The following C9 variants were observed in gnomAD, a reference collection of about 807,000 sequenced individuals.
C9 encodes the protein complement component C9.
C9 carries 63 observed loss-of-function variants against 65.4 expected under a neutral mutation model. The observed-to-expected ratio is 0.96, with a 90% CI of 0.79 to 1.19. The LOEUF is 1.19. Ranked by LOEUF, C9 falls within the 50% of genes most tolerant of loss-of-function variation. The pLI, the probability that C9 is intolerant of heterozygous loss-of-function variation, is 0.00. For synonymous variants in C9, 229 were observed against 227.9 expected, an observed-to-expected ratio of 1.00 and a Z score of -0.04; for missense variants, 744 against 670.1, an observed-to-expected ratio of 1.11 and a Z score of -1.22.
rs116659775 is a variant in C9 at position 39,350,278 on chromosome 5, G to A, written c.78-8082C>T. On this transcript the variant is annotated intron_variant, in intron 1 of 10. Coordinates refer to ENST00000263408, the MANE Select transcript of C9 (RefSeq NM_001737.5). ...CAGCCCCACGATTTAATCACTTTCC[G>A]ACAGGCTCCTCCTTGAACATGTGGG... is the stretch of plus-strand genomic sequence containing the variant. 2.6e-3 allele frequency among the ~76,000 whole-genome samples: 401 copies of A among 152,228 alleles called. 2 individuals are homozygous for A. Among genetic ancestry groups the A allele is most frequent in the African/African-American group, 8.9e-3 (369 of 41,522 alleles).
intron 9 of C9, among the ~76,000 whole-genome samples, chr5:39,295,870 A>G (rs1753177409): frequency 6.6e-6 from 1 of 151,822 alleles, no homozygotes; most frequent in South Asian, 2.1e-4. Context: ...AGAACCGGAA[A>G]TTAATATATC....
chr5:39,290,273 T>C (rs1440099559), intron 9 of C9, among the ~76,000 whole-genome samples: 1 of 151,848 alleles, frequency 6.6e-6, no homozygotes, highest in Non-Finnish European at 1.5e-5. Flanking sequence ...ATAATGGAGA[T>C]ATCATAACAT....
rs777863692 is a variant in C9, at chr5:39,345,655, G to C, written c.78-3459C>G. Among the ~76,000 whole-genome samples, 6 of 152,296 alleles carry C rather than the reference G, an allele frequency of 3.9e-5. No individual in the cohort carries two copies. The South Asian group carries it at 1.0e-3, about 26-fold the overall frequency. The stretch of plus-strand genomic sequence containing the variant: ...CAAGGATATCCAGGAATTTAACTCA[G>C]CTCTGCACCAAGTGGACCTAATAGA... On this transcript the variant is annotated intron_variant, in intron 1 of 10. Transcript: ENST00000263408.
intron 3 of C9, 121 bp downstream of exon 3, chr5:39,341,435 C>G (rs1366024649): frequency 4.9e-6 from 7 of 1,424,500 alleles, no homozygotes. Flanking sequence ...ATATAGATGG[C>G]CTCTTTTGGG....
Position 39,311,397 on chromosome 5 carries a change from A to G in C9, c.871-20T>C, listed in dbSNP as rs1325420196. 1 of 1,607,766 alleles carries G rather than the reference A, an allele frequency of 6.2e-7. No individual in the cohort carries two copies. The highest frequency in any genetic ancestry group is 2.2e-5 in the East Asian group (1 of 44,846). ...TTTTTCCTGTGTTGTAGAGCAGATG[A>G]AGAAGAGAAACATGTGTTTTATCCA... On this transcript the variant is annotated intron_variant, in intron 6 of 10. Transcript: ENST00000263408.
rs747730469 is a variant in C9 at position 39,284,154 on chromosome 5, T to C, written c.*1045A>G. The C allele has an allele frequency of 2.0e-5, 3 of 152,246 alleles. No homozygotes were observed. Among genetic ancestry groups the C allele is most frequent in the Non-Finnish European group, 2.9e-5 (2 of 68,046 alleles). The allele number at this position is 152,246 out of a possible 1,614,324, so 9.4% of individuals were successfully genotyped here. ...AAGTAACATAATTTATTTATAAATG[T>C]GTGAAATGTTTATTAATAGTAACAA... On this transcript the variant is annotated 3_prime_UTR_variant, in exon 11 of 11. Transcript: ENST00000263408.
chr5:39,324,491 G>A (rs937952044), intron 5 of C9, among the ~76,000 whole-genome samples: 11 of 152,256 alleles, frequency 7.2e-5, no homozygotes, highest in African/African-American at 2.4e-4. Context: ...ACTCAGCAGC[G>A]TAGAGGGCCA....
chr5:39,344,319 G>A (rs368562758), intron 1 of C9, among the ~76,000 whole-genome samples: 8 of 152,320 alleles, frequency 5.3e-5, no homozygotes, highest in East Asian at 1.9e-4. Context: ...CTGTAGAGAA[G>A]TCCTTAAATG....
chr5:39,332,443 A>G (rs961153927), intron 4 of C9, among the ~76,000 whole-genome samples: 4 of 152,224 alleles, frequency 2.6e-5, no homozygotes, highest in Admixed American at 1.3e-4. Flanking sequence ...CCATAGCAAA[A>G]TATTTTTATT....
chr5:39,333,836 G>A (rs1210415807), intron 4 of C9, among the ~76,000 whole-genome samples: 1 of 152,142 alleles, frequency 6.6e-6, no homozygotes, highest in Non-Finnish European at 1.5e-5. Flanking sequence ...CTGGTCTCCA[G>A]CTCCTAACCG....
intron 5 of C9, among the ~76,000 whole-genome samples, chr5:39,317,981 C>T (rs961149516): frequency 3.3e-5 from 5 of 152,046 alleles, no homozygotes; most frequent in African/African-American, 9.7e-5. Flanking sequence ...TGTCTGTGAG[C>T]ATGAAATGTT....
rs1409146510 is a variant in C9, at chr5:39,306,865, G to A, written c.1241-73C>T. 9.6e-6 allele frequency: 10 copies of A among 1,036,304 alleles called. No individual in the cohort carries two copies. The African/African-American group carries it at 1.6e-4, about 16-fold the overall frequency. The allele number at this position is 1,036,304 out of a possible 1,614,324, so 64.2% of individuals were successfully genotyped here. ...GAAGCCAGTTATCAAAAGGACATAT[G>A]ATAAACATTTATTGAGTCCTTTTAG... On this transcript the variant is annotated intron_variant, in intron 8 of 10. Transcript: ENST00000263408.
intron 5 of C9, among the ~76,000 whole-genome samples, chr5:39,316,901 T>A (rs1753578451): frequency 6.6e-6 from 1 of 152,226 alleles, no homozygotes; most frequent in Non-Finnish European, 1.5e-5. Context: ...TTTCTGCTTC[T>A]AGATCTTTGA....
At chr5:39,349,027 G>C (rs888248586) in intron 1 of C9, among the ~76,000 whole-genome samples, 9 of 151,102 alleles carry the variant, frequency 6.0e-5, no homozygotes, top group Non-Finnish European at 8.9e-5. Flanking sequence ...GTTGTGGGGT[G>C]GGGGGGAGGG....
intron 4 of C9, 84 bp from the exon 5 acceptor site, chr5:39,331,898 A>C: frequency 8.7e-7 from 1 of 1,155,976 alleles, no homozygotes; most frequent in Non-Finnish European, 1.3e-6. Context: ...AAAGTGAGAC[A>C]GCTTCAGTTC....
At chr5:39,310,083 C>CG (rs1561338017) in intron 7 of C9, among the ~76,000 whole-genome samples, 1 of 152,140 alleles carries the variant, frequency 6.6e-6, no homozygotes, top group Non-Finnish European at 1.5e-5. Context: ...CACTCCCCCC[C>CG]GGGAAAGCTT....
In C9 at chr5:39,341,152, C is replaced by G; in HGVS notation, c.470G>C (p.Gly157Ala). ...GTACAAGTAAAATACACACCCATAG[C>G]CTGCTGTTCGTGCCAGCTCAGACTC... ...VEESELARTA[G>A]YGINILGMDP... The change falls in exon 4 of 11, where the codon GGC becomes GCC. Residue 157 changes from glycine (G) to alanine (A), a missense_variant. Gly to Ala is a moderately conservative substitution (Grantham distance 60). Coordinates refer to ENST00000263408, the MANE Select transcript of C9 (RefSeq NM_001737.5). The G allele has an allele frequency of 6.2e-7, 1 of 1,614,194 alleles. No homozygotes were observed. The highest frequency in any genetic ancestry group is 8.5e-7 in the Non-Finnish European group (1 of 1,180,024).
chr5:39,310,412 T>G (rs1753460017), intron 7 of C9, among the ~76,000 whole-genome samples: 1 of 152,158 alleles, frequency 6.6e-6, no homozygotes, highest in Non-Finnish European at 1.5e-5. Flanking sequence ...GATTACAACT[T>G]ATTAATATAG....
intron 5 of C9, among the ~76,000 whole-genome samples, chr5:39,325,317 G>T (rs947006137): frequency 6.6e-6 from 1 of 152,116 alleles, no homozygotes; most frequent in African/African-American, 2.4e-5. Context: ...AAGTTTTGGG[G>T]TAATATGACA....
Sources: allele counts gnomAD v4.1 joint callset (sites outside exome capture counted in the v4.1 genomes callset), GRCh38; gene constraint gnomAD v4.1.1; transcripts MANE v1.5; gene names NCBI Gene and HGNC (gene_info 2026-07-23, HGNC 2026-07-21).